PXDN: variants seen among roughly 807,000 people sequenced by gnomAD.
The protein encoded by PXDN is peroxidasin.
A neutral mutation model predicts 140.3 loss-of-function variants in PXDN; 77 were observed. That is an observed-to-expected ratio of 0.55 (90% CI 0.46 to 0.66). The LOEUF (loss-of-function observed/expected upper bound fraction) is 0.66. Ranked by LOEUF, PXDN falls within the 30% of genes least tolerant of loss-of-function variation. The pLI, the probability that PXDN is intolerant of heterozygous loss-of-function variation, is 0.00. For missense variants in PXDN, 1,838 were observed against 2,039.5 expected (o/e 0.90, Z 1.90); for synonymous variants, 911 against 857.4 (o/e 1.06, Z -1.09).
At chr2:1,701,149 T>C (rs1385367704) in intron 1 of PXDN, among the ~76,000 whole-genome samples, 2 of 152,160 alleles carry the variant, frequency 1.3e-5, no homozygotes, top group Non-Finnish European at 2.9e-5. Context: ...TGGTTTTCCA[T>C]TAACATTTGC....
intron 22 of PXDN, 57 bp downstream of exon 22, chr2:1,635,351 G>T (rs935227823): frequency 2.1e-5 from 30 of 1,453,268 alleles, no homozygotes; most frequent in Non-Finnish European, 2.7e-5. Flanking sequence ...GTGGTCACAT[G>T]GGACTCTCGG....
In PXDN at chr2:1,651,725, G is replaced by A. The variant is rs1018841476; in HGVS notation, c.2104+1903C>T. Among the ~76,000 whole-genome samples, 4 of 152,130 alleles carry A rather than the reference G, an allele frequency of 2.6e-5. No individual in the cohort carries two copies. Among genetic ancestry groups the A allele is most frequent in the Non-Finnish European group, 4.4e-5 (3 of 68,020 alleles). On this transcript the variant is annotated intron_variant, in intron 16 of 22. Transcript: ENST00000252804. The surrounding 1 kb of genome is among the most constrained non-coding windows in gnomAD (Gnocchi z 4.4). Reference sequence around the variant, plus strand: ...GGGTCCCTGCTCACGTGTCACCTTCGCCCATGGGGAACAGCACCCCATCCC... The same window carrying A: ...GGGTCCCTGCTCACGTGTCACCTTCACCCATGGGGAACAGCACCCCATCCC...
In PXDN at chr2:1,653,755, G is replaced by T; in HGVS notation, c.1977C>A (p.Ala659=). 6.3e-7 allele frequency: 1 copy of T among 1,587,986 alleles called. No homozygotes were observed. The highest frequency in any genetic ancestry group is 2.3e-5 in the East Asian group (1 of 43,824). The part of the protein sequence containing the change: ...SRPRSPNDLL[A]LFRYPRDPYT... ...AAGGATCCCTCGGATACCGGAACAA[G>T]GCCAGCAAATCATTTGGAGAACGAG... The change falls in exon 16 of 23, where the codon GCC becomes GCA. Residue 659 remains alanine (A), a synonymous_variant. Coordinates refer to ENST00000252804, the MANE Select transcript of PXDN (RefSeq NM_012293.3).
chr2:1,653,547 C>T, intron 16 of PXDN, 81 bp downstream of exon 16: 2 of 1,531,354 alleles, frequency 1.3e-6, no homozygotes, highest in Non-Finnish European at 1.8e-6. Context: ...GGAACTCTTC[C>T]CTAGGAATGT....
chr2:1,674,042 G>A (rs754990336), intron 8 of PXDN, among the ~76,000 whole-genome samples: 3 of 152,170 alleles, frequency 2.0e-5, no homozygotes, highest in Non-Finnish European at 2.9e-5. Flanking sequence ...TAGTATTCAC[G>A]TGTTCAATCT....
At chr2:1,695,949 G>C (rs1195963241) in intron 1 of PXDN, among the ~76,000 whole-genome samples, 45 of 137,970 alleles carry the variant, frequency 3.3e-4, no homozygotes, top group African/African-American at 1.2e-3. Flanking sequence ...CCTATGCCCT[G>C]GGTCTGAGCA....
At chr2:1,646,117 C>T (rs1682845249) in intron 17 of PXDN, 1 of 152,314 alleles carries the variant, frequency 6.6e-6, no homozygotes, top group Non-Finnish European at 1.5e-5. Context: ...AAGGCAACCC[C>T]TCTGCCCTGT....
rs1224653346 is a variant in PXDN, at chr2:1,660,821, G to A, written c.1837+60C>T. 3 of 1,557,802 alleles carry A rather than the reference G, an allele frequency of 1.9e-6. No homozygotes were observed. In the African/African-American group the frequency reaches 4.1e-5, roughly 21 times the overall value. On this transcript the variant is annotated intron_variant, in intron 14 of 22. Transcript: ENST00000252804. This position sits in a 1 kb window ranked among gnomAD's most constrained non-coding sequence, Gnocchi z 4.6. The stretch of plus-strand genomic sequence containing the variant: ...GTCAACTGGCCTGGGACCACACTAG[G>A]GACCTGCGGGCTTTCTTTGTGGATA...
chr2:1,708,182 C>CA (rs1439709147), intron 1 of PXDN, among the ~76,000 whole-genome samples: 1 of 152,244 alleles, frequency 6.6e-6, no homozygotes, highest in Non-Finnish European at 1.5e-5. Flanking sequence ...TGGCTGTCGG[C>CA]ATGTGCCCTG....
chr2:1,679,355 CGT>C (rs1355702086), intron 7 of PXDN, among the ~76,000 whole-genome samples: 5 of 122,714 alleles, frequency 4.1e-5, no homozygotes, highest in Middle Eastern at 7.1e-3. Flanking sequence ...TGTGTATGTG[CGT>C]GTGTGTGGTT....
At chr2:1,710,234 G>C (rs1265277514) in intron 1 of PXDN, among the ~76,000 whole-genome samples, 1 of 152,194 alleles carries the variant, frequency 6.6e-6, no homozygotes, top group African/African-American at 2.4e-5. Context: ...GCTGCCGTCT[G>C]CTGCTCACTT....
At chr2:1,635,770 T>C in intron 21 of PXDN, 1 of 483,098 alleles carries the variant, frequency 2.1e-6, no homozygotes, top group Non-Finnish European at 3.8e-6. Flanking sequence ...AAAGGCGACG[T>C]TCTCAGAGGA....
chr2:1,642,511 C>T (rs913622412), intron 19 of PXDN, among the ~76,000 whole-genome samples: 3 of 152,174 alleles, frequency 2.0e-5, no homozygotes, highest in Non-Finnish European at 4.4e-5. Context: ...CCCCACCTCC[C>T]GGTCACGCTC....
intron 16 of PXDN, chr2:1,652,976 A>C: frequency 5.7e-6 from 1 of 174,358 alleles, no homozygotes; most frequent in Non-Finnish European, 1.2e-5. Flanking sequence ...GTACAGAACC[A>C]TGAGTAACCA....
At chr2:1,744,229 G>A in intron 1 of PXDN, 27 bp downstream of exon 1, 1 of 1,424,088 alleles carries the variant, frequency 7.0e-7, no homozygotes, top group Non-Finnish European at 9.2e-7. Flanking sequence ...CGGACCCCGC[G>A]CCCCCGGCGT....
At chr2:1,676,628 A>C (rs954204685) in intron 8 of PXDN, 6 of 448,752 alleles carry the variant, frequency 1.3e-5, no homozygotes, top group Admixed American at 1.1e-4. Flanking sequence ...GGGAGAGAAC[A>C]ACCAGCATGC....
At chr2:1,665,807 T>C (rs1559596) in intron 10 of PXDN, among the ~76,000 whole-genome samples, 2,037 of 152,360 alleles carry the variant, frequency 0.013, 56 homozygotes, top group African/African-American at 0.046. Flanking sequence ...CGTAAAACGA[T>C]GAATACTCCC....
chr2:1,649,429 T>C lies in PXDN; in HGVS notation c.2351A>G (p.His784Arg). The C allele has an allele frequency of 6.2e-7, 1 of 1,613,920 alleles. No individual in the cohort carries two copies. The highest frequency in any genetic ancestry group is 8.5e-7 in the Non-Finnish European group (1 of 1,179,876). Residue 784 changes from histidine (H) to arginine (R), a missense_variant, in exon 17 of 23, where the codon CAC becomes CGC. His to Arg is a conservative substitution (Grantham distance 29). Transcript: ENST00000252804. This position sits in a 1 kb window ranked among gnomAD's most constrained non-coding sequence, Gnocchi z 7.1. The part of the protein sequence containing the change: ...GFNTPRGINP[H>R]RLYNGHALPM... ...AAGGGCGTGCCCGTTGTACAGTCGG[T>C]GGGGGTTGATGCCCCGAGGGGTGTT...
rs551723524 is a variant in PXDN, at chr2:1,744,056, C to G, written c.200+200G>C. ...CCCTCGGCGTCTCCCGCAGGGCGAA[C>G]AAAGGCCCAGCGGGTCCCCGCGCCC... On this transcript the variant is annotated intron_variant, in intron 1 of 22. Transcript: ENST00000252804. Among the ~76,000 whole-genome samples the G allele has an allele frequency of 4.3e-3, 657 of 152,222 alleles. 2 individuals are homozygous for G. Among genetic ancestry groups the G allele is most frequent in the Non-Finnish European group, 6.7e-3 (455 of 67,970 alleles).
Sources: allele counts gnomAD v4.1 joint callset (sites outside exome capture counted in the v4.1 genomes callset), GRCh38; gene constraint gnomAD v4.1.1; non-coding constraint Gnocchi (gnomAD v3.1); transcripts MANE v1.5; gene names NCBI Gene and HGNC (gene_info 2026-07-23, HGNC 2026-07-21).